PTPRE: variants seen among roughly 807,000 people sequenced by gnomAD.
PTPRE encodes the protein receptor-type tyrosine-protein phosphatase epsilon.
PTPRE carries 51 observed loss-of-function variants against 102.0 expected under a neutral mutation model. That is an observed-to-expected ratio of 0.50 (90% CI 0.40 to 0.63). The LOEUF is 0.63. Among genes scored for constraint, PTPRE ranks in the 30% least tolerant of loss-of-function variants. The probability of loss-of-function intolerance (pLI) is 0.00; values close to 1 mark genes in which losing one functional copy is unlikely to be tolerated. For synonymous variants in PTPRE, 345 were observed against 348.2 expected, an observed-to-expected ratio of 0.99 and a Z score of 0.10; for missense variants, 752 against 915.1, an observed-to-expected ratio of 0.82 and a Z score of 2.30.
intron 1 of PTPRE, among the ~76,000 whole-genome samples, chr10:127,908,218 C>T (rs1219597094): frequency 6.6e-6 from 1 of 152,128 alleles, no homozygotes; most frequent in African/African-American, 2.4e-5. Context: ...CAGCTCTCTG[C>T]TTGTATTTTA....
At chr10:128,027,825 C>T (rs1846395313) in intron 2 of PTPRE, among the ~76,000 whole-genome samples, 1 of 152,206 alleles carries the variant, frequency 6.6e-6, no homozygotes, top group African/African-American at 2.4e-5. Flanking sequence ...AGAGAGACCC[C>T]AATCTGGACC....
At chr10:127,928,167 C>T (rs1398517976) in intron 1 of PTPRE, among the ~76,000 whole-genome samples, 1 of 152,194 alleles carries the variant, frequency 6.6e-6, no homozygotes, top group East Asian at 1.9e-4. Context: ...TCACAAACCT[C>T]CCGTCATCAG....
At chr10:127,933,113 A>G (rs1410064722) in intron 1 of PTPRE, among the ~76,000 whole-genome samples, 1 of 152,162 alleles carries the variant, frequency 6.6e-6, no homozygotes, top group Non-Finnish European at 1.5e-5. Flanking sequence ...ATCCAGGATA[A>G]TCTCCCTACT....
intron 1 of PTPRE, among the ~76,000 whole-genome samples, chr10:127,978,894 G>C (rs1851395335): frequency 6.6e-6 from 1 of 152,074 alleles, no homozygotes; most frequent in Non-Finnish European, 1.5e-5. Flanking sequence ...GGTGGTGTGT[G>C]CCTGTAATCC....
chr10:128,026,006 C>G (rs1445310931), intron 2 of PTPRE, among the ~76,000 whole-genome samples: 1 of 152,196 alleles, frequency 6.6e-6, no homozygotes, highest in East Asian at 1.9e-4. Flanking sequence ...AGGGTGTGCT[C>G]AGAATTCACT....
chr10:128,048,983 G>A (rs572475776), intron 5 of PTPRE, among the ~76,000 whole-genome samples: 15 of 152,106 alleles, frequency 9.9e-5, no homozygotes, highest in Non-Finnish European at 2.2e-4. Context: ...CCCTTATAAC[G>A]CGTACTTCTC....
Position 128,083,022 on chromosome 10 carries a change from G to A in PTPRE, c.*116G>A. The A allele has an allele frequency of 8.9e-7, 1 of 1,119,036 alleles. No individual in the cohort carries two copies. The highest frequency in any genetic ancestry group is 2.1e-5 in the South Asian group (1 of 48,468). The allele number at this position is 1,119,036 out of a possible 1,614,324, so 69.3% of individuals were successfully genotyped here. A position where few individuals can be genotyped will look rare whatever the true frequency, so the allele number is the denominator to read the frequency against. On this transcript the variant is annotated 3_prime_UTR_variant, in exon 21 of 21. Coordinates refer to ENST00000254667, the MANE Select transcript of PTPRE (RefSeq NM_006504.6). ...TCCCTAATTTCTTTGTATATATTTTGTTATGCCTTAAAGGCCACCTGCTAT... is the reference window on the plus strand; with the variant it reads ...TCCCTAATTTCTTTGTATATATTTTATTATGCCTTAAAGGCCACCTGCTAT...
chr10:128,082,955 T>C lies in PTPRE; in HGVS notation c.*49T>C, dbSNP rs756527967. The stretch of plus-strand genomic sequence containing the variant: ...TTAATTTAATGGTCAGTATATTTTG[T>C]AAAAATCATGTTAATTTATTTCATA... On this transcript the variant is annotated 3_prime_UTR_variant, in exon 21 of 21. Coordinates refer to ENST00000254667, the MANE Select transcript of PTPRE (RefSeq NM_006504.6). 4 of 1,435,474 alleles carry C rather than the reference T, an allele frequency of 2.8e-6. No homozygotes were observed. Among genetic ancestry groups the C allele is most frequent in the Non-Finnish European group, 3.7e-6 (4 of 1,080,358 alleles). 88.9% of individuals were successfully genotyped at this position (1,435,474 alleles called of 1,614,324 possible).
intron 1 of PTPRE, among the ~76,000 whole-genome samples, chr10:127,961,316 G>C (rs543751085): frequency 6.6e-6 from 1 of 152,180 alleles, no homozygotes; most frequent in Non-Finnish European, 1.5e-5. Context: ...AGGGTTGGCC[G>C]GAGGCAGGAT....
At chr10:128,033,794 A>G (rs972697000) in intron 2 of PTPRE, among the ~76,000 whole-genome samples, 2 of 152,176 alleles carry the variant, frequency 1.3e-5, no homozygotes, top group African/African-American at 4.8e-5. Flanking sequence ...ACAGGCGTGC[A>G]CCACATCACC....
At chr10:128,052,823 C>A (rs564162012) in intron 6 of PTPRE, among the ~76,000 whole-genome samples, 21 of 152,326 alleles carry the variant, frequency 1.4e-4, no homozygotes, top group African/African-American at 5.1e-4. Flanking sequence ...CAGAACCATT[C>A]CCTGGAGCTC....
chr10:128,052,242 A>G (rs1359708626), intron 6 of PTPRE, among the ~76,000 whole-genome samples: 2 of 152,150 alleles, frequency 1.3e-5, no homozygotes, highest in Non-Finnish European at 2.9e-5. Flanking sequence ...TTGCCGTCTG[A>G]TCTGAGCTCC....
intron 2 of PTPRE, among the ~76,000 whole-genome samples, chr10:128,019,658 A>C (rs977867518): frequency 6.9e-6 from 1 of 145,152 alleles, no homozygotes; most frequent in African/African-American, 2.5e-5. Flanking sequence ...TTCATTCATT[A>C]AGCACGTGTT....
intron 1 of PTPRE, among the ~76,000 whole-genome samples, chr10:127,918,385 C>T (rs1366436128): frequency 6.6e-6 from 1 of 151,918 alleles, no homozygotes; most frequent in Non-Finnish European, 1.5e-5. Context: ...GGTGAAACCC[C>T]ATCTCTACTA....
At chr10:128,074,884 A>AT (rs1243501463) in intron 17 of PTPRE, among the ~76,000 whole-genome samples, 6 of 152,190 alleles carry the variant, frequency 3.9e-5, no homozygotes, top group African/African-American at 1.4e-4. Flanking sequence ...CCTACCAGCA[A>AT]TATATAAGGT....
intron 1 of PTPRE, among the ~76,000 whole-genome samples, chr10:127,972,154 C>T (rs1850795452): frequency 6.6e-6 from 1 of 152,174 alleles, no homozygotes; most frequent in African/African-American, 2.4e-5. Context: ...TGTCAGTATC[C>T]TGTCTGTGGT....
intron 2 of PTPRE, among the ~76,000 whole-genome samples, chr10:128,038,177 C>A (rs1847388718): frequency 6.6e-6 from 1 of 152,120 alleles, no homozygotes; most frequent in South Asian, 2.1e-4. Flanking sequence ...CTTATGCAAG[C>A]CCACTGAGAG....
chr10:128,045,268 C>T (rs1847997383), intron 3 of PTPRE, among the ~76,000 whole-genome samples: 1 of 152,264 alleles, frequency 6.6e-6, no homozygotes, highest in Admixed American at 6.5e-5. Flanking sequence ...TGGAAGTACC[C>T]ATGTCTGTGA....
intron 1 of PTPRE, among the ~76,000 whole-genome samples, chr10:127,910,566 T>C (rs745505090): frequency 4.6e-5 from 7 of 152,244 alleles, no homozygotes; most frequent in Non-Finnish European, 1.0e-4. Flanking sequence ...TACTTTGGGT[T>C]CAGTCAGTCA....
Sources: gnomAD v4.1 joint callset for allele counts (sites outside exome capture counted in the v4.1 genomes callset) on GRCh38, gnomAD v4.1.1 for gene constraint, MANE v1.5 for transcripts, NCBI Gene and HGNC (gene_info 2026-07-23, HGNC 2026-07-21) for gene names.